Variants in PCDHA3 observed in about 807,000 individuals in gnomAD.
PCDHA3 encodes the protein protocadherin alpha-3.
A neutral mutation model predicts 62.2 loss-of-function variants in PCDHA3; 41 were observed. That is an observed-to-expected ratio of 0.66 (90% CI 0.51 to 0.86). PCDHA3 has a LOEUF of 0.86. Among genes scored for constraint, PCDHA3 ranks in the 40% least tolerant of loss-of-function variants. PCDHA3 has a pLI of 0.00. For missense variants in PCDHA3, 1,304 were observed against 1,241.2 expected (o/e 1.05, Z -0.76); for synonymous variants, 640 against 555.4 (o/e 1.15, Z -2.14).
chr5:140,851,517 A>T, intron 1 of PCDHA3: 3 of 904,862 alleles, frequency 3.3e-6, no homozygotes, highest in Non-Finnish European at 4.0e-6. Context: ...AATATGTTTT[A>T]AAATGCCTGA....
At chr5:140,975,938 T>C (rs2096690603) in intron 1 of PCDHA3, among the ~76,000 whole-genome samples, 1 of 152,160 alleles carries the variant, frequency 6.6e-6, no homozygotes, top group Admixed American at 6.5e-5. Context: ...TTTGAAGCAA[T>C]AGGACATATT....
At chr5:140,822,420 TGGA>T (rs1767306523) in intron 1 of PCDHA3, 1 of 1,613,970 alleles carries the variant, frequency 6.2e-7, no homozygotes, top group Non-Finnish European at 8.5e-7. Context: ...TTGCAACTGA[TGGA>T]GGAAAACCCG....
At chr5:140,898,972 C>G (rs1180112967) in intron 1 of PCDHA3, among the ~76,000 whole-genome samples, 2 of 151,980 alleles carry the variant, frequency 1.3e-5, no homozygotes, top group African/African-American at 4.8e-5. Flanking sequence ...GGAGTTCACT[C>G]ATGATTTGGC....
At chr5:140,907,582 G>C (rs978225789) in intron 1 of PCDHA3, among the ~76,000 whole-genome samples, 8 of 152,190 alleles carry the variant, frequency 5.3e-5, no homozygotes, top group African/African-American at 1.9e-4. Context: ...CAGGTAGCTG[G>C]CTGATCACCC....
intron 1 of PCDHA3, among the ~76,000 whole-genome samples, chr5:140,806,226 A>G (rs1221109802): frequency 6.6e-6 from 1 of 152,188 alleles, no homozygotes; most frequent in African/African-American, 2.4e-5. Flanking sequence ...CAAAATGAAC[A>G]TGCTTGTTTA....
rs116202025 is a variant in PCDHA3, at chr5:140,975,505, A to G, written c.2395-3444A>G. ...ATATCAATGTTCATAAAATAGCACTATGCAAAATCTGCAGTGGATATATTC... is the reference window on the plus strand; with the variant it reads ...ATATCAATGTTCATAAAATAGCACTGTGCAAAATCTGCAGTGGATATATTC... On this transcript the variant is annotated intron_variant, in intron 1 of 3. Transcript: ENST00000522353. Among the ~76,000 whole-genome samples, 512 of 152,350 alleles carry G rather than the reference A, an allele frequency of 3.4e-3. 3 individuals are homozygous for G. Among genetic ancestry groups the G allele is most frequent in the Middle Eastern group, 6.8e-3 (2 of 294 alleles).
intron 1 of PCDHA3, chr5:140,830,725 T>A (rs1319417645): frequency 9.0e-6 from 2 of 221,188 alleles, no homozygotes; most frequent in Admixed American, 5.6e-5. Context: ...AACCAAAATA[T>A]TCTTGGATAT....
chr5:140,832,930 G>A (rs2150205198), intron 1 of PCDHA3, among the ~76,000 whole-genome samples: 32 of 152,268 alleles, frequency 2.1e-4, no homozygotes, highest in African/African-American at 7.7e-4. Flanking sequence ...GTATTCATGA[G>A]AAGAGAGTAA....
chr5:140,836,356 C>T (rs2150258608), intron 1 of PCDHA3: 5 of 1,613,550 alleles, frequency 3.1e-6, no homozygotes, highest in South Asian at 2.2e-5. Context: ...GGGGAGCCCT[C>T]GCTGACAGCC....
At chr5:140,848,803 G>A in intron 1 of PCDHA3, 3 of 1,592,286 alleles carry the variant, frequency 1.9e-6, no homozygotes, top group South Asian at 1.1e-5. Flanking sequence ...GCGGAGTGCA[G>A]CATCCACCTG....
At chr5:140,973,062 G>GTC (rs1554234872) in intron 1 of PCDHA3, among the ~76,000 whole-genome samples, 1 of 152,138 alleles carries the variant, frequency 6.6e-6, no homozygotes, top group African/African-American at 2.4e-5. Context: ...GTCCAACAGT[G>GTC]TCTCAGTGGG....
chr5:140,976,353 C>T (rs1401617354), intron 1 of PCDHA3, among the ~76,000 whole-genome samples: 2 of 151,992 alleles, frequency 1.3e-5, no homozygotes, highest in African/African-American at 2.4e-5. Context: ...GTGTTCAAGA[C>T]CAGCCTGGCC....
At chr5:140,878,731 A>G (rs1037542413) in intron 1 of PCDHA3, among the ~76,000 whole-genome samples, 3 of 152,370 alleles carry the variant, frequency 2.0e-5, no homozygotes, top group South Asian at 4.1e-4. Flanking sequence ...TTCCAGCCTT[A>G]TATCTACTTT....
chr5:140,869,933 T>A, intron 1 of PCDHA3: 1 of 1,611,316 alleles, frequency 6.2e-7, no homozygotes, highest in Non-Finnish European at 8.5e-7. Context: ...AATGGAGAGG[T>A]AACATACTCC....
At chr5:140,895,116 T>C (rs2064856298) in intron 1 of PCDHA3, among the ~76,000 whole-genome samples, 1 of 152,182 alleles carries the variant, frequency 6.6e-6, no homozygotes, top group African/African-American at 2.4e-5. Flanking sequence ...AAGAAGACAT[T>C]TGTTAGTTGA....
Position 140,801,813 on chromosome 5 carries a change from C to T in PCDHA3, c.616C>T (p.Pro206Ser). The change falls in exon 1 of 4, where the codon CCT (proline) becomes TCT (serine). Residue 206 changes from proline (P) to serine (S), a missense_variant. Transcript: ENST00000522353. The stretch of plus-strand genomic sequence containing the variant: ...AAAAAATTTAAATCGAGAGGACACT[C>T]CTAAGCATTATTTACTAATAACAGC... ...LKKNLNREDT[P>S]KHYLLITAID... 1.2e-6 allele frequency: 2 copies of T among 1,614,110 alleles called. No homozygotes were observed. The highest frequency in any genetic ancestry group is 1.7e-6 in the Non-Finnish European group (2 of 1,180,032).
intron 1 of PCDHA3, among the ~76,000 whole-genome samples, chr5:140,939,737 G>GTA (rs1554212873): frequency 6.6e-6 from 1 of 152,160 alleles, no homozygotes; most frequent in Non-Finnish European, 1.5e-5. Flanking sequence ...GTGTAGCTGT[G>GTA]TATCATTCAT....
At chr5:140,882,755 G>C (rs1554175453) in intron 1 of PCDHA3, 3 of 1,614,112 alleles carry the variant, frequency 1.9e-6, no homozygotes, top group Non-Finnish European at 2.5e-6. Context: ...TGCAGATATT[G>C]GAGTAAACTC....
chr5:140,834,378 T>C, intron 1 of PCDHA3: 1 of 1,562,858 alleles, frequency 6.4e-7, no homozygotes, highest in Non-Finnish European at 8.7e-7. Context: ...AAGCCAATAA[T>C]TTGAAATGGT....
Sources: gnomAD v4.1 joint callset for allele counts (sites outside exome capture counted in the v4.1 genomes callset) on GRCh38, gnomAD v4.1.1 for gene constraint, MANE v1.5 for transcripts, NCBI Gene and HGNC (gene_info 2026-07-23, HGNC 2026-07-21) for gene names.